The following GABRG3 variants were observed in gnomAD, a reference collection of about 807,000 sequenced individuals.
GABRG3 encodes the protein gamma-aminobutyric acid type A receptor subunit gamma3.
In GABRG3, 25 loss-of-function variants were observed where a neutral mutation model predicts 48.8. That is an observed-to-expected ratio of 0.51 (90% CI 0.37 to 0.72). GABRG3 has a LOEUF of 0.72. Ranked by LOEUF, GABRG3 falls within the 30% of genes least tolerant of loss-of-function variation. The pLI is 0.00. For missense variants in GABRG3, 394 were observed against 577.9 expected, an observed-to-expected ratio of 0.68 and a Z score of 3.26; for synonymous variants, 227 against 217.6, an observed-to-expected ratio of 1.04 and a Z score of -0.38.
At chr15:27,496,554 G>A (rs1166133654) in intron 6 of GABRG3, among the ~76,000 whole-genome samples, 4 of 152,114 alleles carry the variant, frequency 2.6e-5, no homozygotes, top group Non-Finnish European at 2.9e-5. Context: ...GTCTTTCCTC[G>A]GGTCCCAAAG....
At chr15:27,414,265 G>T (rs764045562) in intron 5 of GABRG3, among the ~76,000 whole-genome samples, 12 of 152,084 alleles carry the variant, frequency 7.9e-5, no homozygotes, top group Non-Finnish European at 1.3e-4. Context: ...AGCCCTCATG[G>T]TTTCTCTCTT....
intron 6 of GABRG3, among the ~76,000 whole-genome samples, chr15:27,500,685 C>T (rs955169542): frequency 3.9e-5 from 6 of 152,140 alleles, no homozygotes; most frequent in African/African-American, 9.6e-5. Flanking sequence ...TCCATGTTCT[C>T]ATTTATTTTT....
intron 3 of GABRG3, among the ~76,000 whole-genome samples, chr15:27,192,390 A>C (rs2140423445): frequency 6.6e-6 from 1 of 152,250 alleles, no homozygotes; most frequent in South Asian, 2.1e-4. Context: ...GTCTTTTCAC[A>C]TAGTCCCGTA....
intron 3 of GABRG3, among the ~76,000 whole-genome samples, chr15:27,308,340 A>AATATAAACATACGTTTATATATAAACATC (rs1892804149): frequency 7.9e-6 from 1 of 127,192 alleles, no homozygotes; most frequent in Admixed American, 7.7e-5. Flanking sequence ...ATATAAACAT[A>AATATAAACATACGTTTATATATAAACATC]ATATAAACAT....
At chr15:27,372,779 T>C (rs1895456989) in intron 5 of GABRG3, among the ~76,000 whole-genome samples, 1 of 152,194 alleles carries the variant, frequency 6.6e-6, no homozygotes, top group Non-Finnish European at 1.5e-5. Flanking sequence ...CCTCTTTGAA[T>C]ACTTCCCTGG....
chr15:26,974,633 T>A lies in GABRG3; in HGVS notation c.54-2369T>A, dbSNP rs1429365776. Among the ~76,000 whole-genome samples, 1 of 151,888 alleles carries A rather than the reference T, an allele frequency of 6.6e-6. No individual in the cohort carries two copies. The highest frequency in any genetic ancestry group is 2.4e-5 in the African/African-American group (1 of 41,348). Reference sequence around the variant, plus strand: ...GAGTCGCCAAGTGTCCTGAGCATGTTGTGCCTGATTCTGCTGAGATGAGCT... The same window carrying A: ...GAGTCGCCAAGTGTCCTGAGCATGTAGTGCCTGATTCTGCTGAGATGAGCT... On this transcript the variant is annotated intron_variant, in intron 1 of 9. Coordinates refer to ENST00000615808, the MANE Select transcript of GABRG3 (RefSeq NM_033223.5). The surrounding 1 kb of genome is among the most constrained non-coding windows in gnomAD (Gnocchi z 4.3).
intron 3 of GABRG3, among the ~76,000 whole-genome samples, chr15:27,129,626 T>C (rs1897881002): frequency 6.6e-6 from 1 of 152,138 alleles, no homozygotes; most frequent in South Asian, 2.1e-4. Flanking sequence ...TTTTCCATAG[T>C]GGCTATGCCA....
chr15:27,511,038 C>A lies in GABRG3; in HGVS notation c.713-8934C>A, dbSNP rs187130335. 3.7e-3 allele frequency among the ~76,000 whole-genome samples: 561 copies of A among 152,220 alleles called. 3 individuals are homozygous for A. Among genetic ancestry groups the A allele is most frequent in the South Asian group, 0.027 (129 of 4,822 alleles). On this transcript the variant is annotated intron_variant, in intron 6 of 9. Coordinates refer to ENST00000615808, the MANE Select transcript of GABRG3 (RefSeq NM_033223.5). ...TGCGATAGAGAAGATTTTTACCACA[C>A]ATTCCTCTCTGGAAACAATAGAATG...
intron 3 of GABRG3, among the ~76,000 whole-genome samples, chr15:27,222,224 G>A (rs531334157): frequency 8.5e-4 from 129 of 152,260 alleles, no homozygotes; most frequent in African/African-American, 2.9e-3. Context: ...AGCTAGAGAC[G>A]TCCCAGCCAG....
intron 5 of GABRG3, among the ~76,000 whole-genome samples, chr15:27,394,175 C>T (rs1887230528): frequency 6.6e-6 from 1 of 151,990 alleles, no homozygotes; most frequent in African/African-American, 2.4e-5. Context: ...CTCTCACTGC[C>T]TTCTTGTGTA....
chr15:27,322,352 G>T lies in GABRG3; in HGVS notation c.271-4457G>T, dbSNP rs138177598. 7.9e-5 allele frequency among the ~76,000 whole-genome samples: 12 copies of T among 152,226 alleles called. No homozygotes were observed. In the East Asian group the frequency reaches 2.3e-3, roughly 30 times the overall value. ...TGCTACAGGGAAAGAGTACGATCTT[G>T]TGTGGGACAGGGGTGGGGATTCCCG... On this transcript the variant is annotated intron_variant, in intron 3 of 9. Coordinates refer to ENST00000615808, the MANE Select transcript of GABRG3 (RefSeq NM_033223.5).
chr15:27,200,859 A>G (rs1404372191), intron 3 of GABRG3, among the ~76,000 whole-genome samples: 1 of 152,060 alleles, frequency 6.6e-6, no homozygotes, highest in East Asian at 1.9e-4. Flanking sequence ...TAAGGCCTCG[A>G]GATTTTCTTC....
chr15:27,256,950 G>T (rs894125836), intron 3 of GABRG3, among the ~76,000 whole-genome samples: 3 of 152,168 alleles, frequency 2.0e-5, no homozygotes, highest in Non-Finnish European at 4.4e-5. Context: ...GGGATTGCTG[G>T]ATCATTTGGC....
Position 27,092,545 on chromosome 15 carries a change from A to G in GABRG3, c.270+65724A>G, listed in dbSNP as rs924210250. On this transcript the variant is annotated intron_variant, in intron 3 of 9. Coordinates refer to ENST00000615808, the MANE Select transcript of GABRG3 (RefSeq NM_033223.5). ...AATGGTTGTTCCTGTGTCTGCAGCA[A>G]CAAGCGGATGCTCTGGAGGCTCTGT... Among the ~76,000 whole-genome samples, 47 of 152,216 alleles carry G rather than the reference A, an allele frequency of 3.1e-4. 1 individual carries two copies. The highest frequency in any genetic ancestry group is 1.1e-3 in the African/African-American group (45 of 41,464).
intron 3 of GABRG3, among the ~76,000 whole-genome samples, chr15:27,175,877 C>T (rs1209826956): frequency 6.6e-6 from 1 of 152,174 alleles, no homozygotes; most frequent in East Asian, 1.9e-4. Context: ...TTCCTCTGAT[C>T]AGCCTGCTGA....
chr15:27,528,082 A>C (rs1345984727), intron 9 of GABRG3, 90 bp downstream of exon 9: 1 of 964,248 alleles, frequency 1.0e-6, no homozygotes, highest in Non-Finnish European at 1.6e-6. Flanking sequence ...TGATGCATGC[A>C]TGTATTGAAG....
At chr15:27,206,213 C>CATA (rs1329256512) in intron 3 of GABRG3, among the ~76,000 whole-genome samples, 1 of 152,170 alleles carries the variant, frequency 6.6e-6, no homozygotes, top group Non-Finnish European at 1.5e-5. Flanking sequence ...TTCCTCTTAA[C>CATA]AGTGCTTTAG....
chr15:27,102,721 GCTTA>G (rs1897382282), intron 3 of GABRG3, among the ~76,000 whole-genome samples: 4 of 152,230 alleles, frequency 2.6e-5, no homozygotes, highest in Admixed American at 2.0e-4. Context: ...ATAATTGTGA[GCTTA>G]CTTCTCCTAA....
At chr15:27,344,714 A>AT (rs374533992) in intron 5 of GABRG3, among the ~76,000 whole-genome samples, 151,292 of 152,034 alleles carry the variant, frequency 1, 75,280 homozygotes, top group Middle Eastern at 1. Flanking sequence ...TTGATAAACC[A>AT]TTTTTTTAAT....
Sources: allele counts gnomAD v4.1 joint callset (sites outside exome capture counted in the v4.1 genomes callset), GRCh38; gene constraint gnomAD v4.1.1; non-coding constraint Gnocchi (gnomAD v3.1); transcripts MANE v1.5; gene names NCBI Gene and HGNC (gene_info 2026-07-23, HGNC 2026-07-21).